Variants in SPRED2 observed in about 807,000 individuals in gnomAD.
The protein encoded by SPRED2 is sprouty related EVH1 domain containing 2.
Under a neutral mutation model 43.0 loss-of-function variants are expected in SPRED2, and 47 were observed. That is an observed-to-expected ratio of 1.09 (90% CI 0.87 to 1.40). The LOEUF is 1.40. Ranked by LOEUF, SPRED2 falls within the 40% of genes most tolerant of loss-of-function variation. SPRED2 has a pLI of 0.00. For synonymous variants in SPRED2, 225 were observed against 225.7 expected (o/e 1.00, Z 0.03); for missense variants, 561 against 586.4 (o/e 0.96, Z 0.45).
In SPRED2 at chr2:65,311,553, G is replaced by C. The variant is rs1673068078; in HGVS notation, c.*1948C>G. 1.0e-6 allele frequency: 1 copy of C among 985,736 alleles called. No homozygotes were observed. Among genetic ancestry groups the C allele is most frequent in the Non-Finnish European group, 1.2e-6 (1 of 829,944 alleles). The allele number at this position is 985,736 out of a possible 1,614,324, so 61.1% of individuals were successfully genotyped here. On this transcript the variant is annotated 3_prime_UTR_variant, in exon 6 of 6. Transcript: ENST00000356388. ...AAGAGACCCTAGAGAAAGACCCCAAGGAAGTGCCTCCGGGTCGGGGGAAGG... is the reference window on the plus strand; with the variant it reads ...AAGAGACCCTAGAGAAAGACCCCAACGAAGTGCCTCCGGGTCGGGGGAAGG...
At chr2:65,334,517 A>G in intron 3 of SPRED2, 88 bp downstream of exon 3, 3 of 1,523,204 alleles carry the variant, frequency 2.0e-6, no homozygotes, top group South Asian at 1.2e-5. Flanking sequence ...CAAATAAACC[A>G]CAAATAAATG....
intron 1 of SPRED2, among the ~76,000 whole-genome samples, chr2:65,381,639 G>C (rs1253346590): frequency 6.6e-6 from 1 of 152,228 alleles, no homozygotes; most frequent in African/African-American, 2.4e-5. Context: ...ATGACAGACA[G>C]CAGGGTGGGC....
chr2:65,422,552 C>T (rs1676454559), intron 1 of SPRED2, among the ~76,000 whole-genome samples: 1 of 152,174 alleles, frequency 6.6e-6, no homozygotes, highest in Non-Finnish European at 1.5e-5. Flanking sequence ...GCTCCCTCTC[C>T]TCTGGCTGTA....
At chr2:65,405,148 G>A (rs1166699094) in intron 1 of SPRED2, among the ~76,000 whole-genome samples, 2 of 152,230 alleles carry the variant, frequency 1.3e-5, no homozygotes, top group Non-Finnish European at 2.9e-5. Context: ...TTTTCCAGGA[G>A]AGAAAATTAA....
intron 1 of SPRED2, among the ~76,000 whole-genome samples, chr2:65,353,456 A>AT (rs1674566912): frequency 6.6e-6 from 1 of 152,238 alleles, no homozygotes; most frequent in African/African-American, 2.4e-5. Flanking sequence ...CAGCATATAA[A>AT]TGATTATTAA....
At position 65,313,659 on chromosome 2, in the gene SPRED2, A is replaced by C. The variant is rs1272168603; in HGVS notation, c.1099T>G (p.Cys367Gly). 6.2e-7 allele frequency: 1 copy of C among 1,614,064 alleles called. No individual in the cohort carries two copies. The highest frequency in any genetic ancestry group is 2.2e-5 in the East Asian group (1 of 44,898). The change falls in exon 6 of 6, where the codon TGC (cysteine) becomes GGC (glycine). Residue 367 changes from cysteine (C) to glycine (G), a missense_variant. Physicochemically the swap from Cys to Gly is radical, Grantham distance 159. Coordinates refer to ENST00000356388, the MANE Select transcript of SPRED2 (RefSeq NM_181784.3). Reference sequence around the variant, plus strand: ...CAAAACTTCTCGTCGCTAGTATCGCACGAGCAAGGGTCTGTATAGTCTCCC... The same window carrying C: ...CAAAACTTCTCGTCGCTAGTATCGCCCGAGCAAGGGTCTGTATAGTCTCCC... ...PEGDYTDPCSCDTSDEKFCLR... is the reference protein window; with the variant it reads ...PEGDYTDPCSGDTSDEKFCLR...
At chr2:65,381,170 C>G (rs1032483050) in intron 1 of SPRED2, among the ~76,000 whole-genome samples, 3 of 152,220 alleles carry the variant, frequency 2.0e-5, no homozygotes, top group Admixed American at 1.3e-4. Context: ...GTTAGCCCAG[C>G]AAAGCTCAGA....
chr2:65,412,485 A>G (rs1676184985), intron 1 of SPRED2, among the ~76,000 whole-genome samples: 1 of 152,198 alleles, frequency 6.6e-6, no homozygotes, highest in Admixed American at 6.5e-5. Context: ...CTTGTTGCTA[A>G]AAGTCACCTA....
At chr2:65,344,955 C>T (rs1674306945) in intron 1 of SPRED2, 59 bp from the exon 2 acceptor site, 44 of 1,505,882 alleles carry the variant, frequency 2.9e-5, no homozygotes, top group Non-Finnish European at 3.8e-5. Context: ...TTGCAGAACA[C>T]GTTTCAAAAT....
intron 4 of SPRED2, among the ~76,000 whole-genome samples, chr2:65,317,142 G>C (rs1047928768): frequency 6.6e-6 from 1 of 152,150 alleles, no homozygotes; most frequent in African/African-American, 2.4e-5. Flanking sequence ...TCTTAAATGC[G>C]GGAATAGTGA....
At chr2:65,389,132 A>C (rs556555424) in intron 1 of SPRED2, among the ~76,000 whole-genome samples, 6 of 152,200 alleles carry the variant, frequency 3.9e-5, no homozygotes, top group East Asian at 1.9e-4. Flanking sequence ...GCTCTGTGCC[A>C]GTGTGAGGAA....
intron 1 of SPRED2, among the ~76,000 whole-genome samples, chr2:65,413,155 C>T (rs1175276139): frequency 6.6e-6 from 1 of 152,118 alleles, no homozygotes; most frequent in Non-Finnish European, 1.5e-5. Flanking sequence ...TCTTTTTTGC[C>T]TACCCCTCTC....
At chr2:65,372,811 C>G (rs1394657880) in intron 1 of SPRED2, among the ~76,000 whole-genome samples, 2 of 152,194 alleles carry the variant, frequency 1.3e-5, no homozygotes, top group Non-Finnish European at 2.9e-5. Context: ...ACTAAGCATG[C>G]TAGACCCAAA....
At chr2:65,409,868 A>G (rs1676113506) in intron 1 of SPRED2, among the ~76,000 whole-genome samples, 1 of 151,336 alleles carries the variant, frequency 6.6e-6, no homozygotes, top group East Asian at 1.9e-4. Flanking sequence ...ACCCTCTACT[A>G]AAAATACAAA....
rs192958636 is a variant in SPRED2 at position 65,336,192 on chromosome 2, C to T, written c.205-1419G>A. ...CAACATGGCAGGACCCTGTCTCTAA[C>T]TAAAATACAAAAATTAGCTGGGTGT... On this transcript the variant is annotated intron_variant, in intron 2 of 5. Transcript: ENST00000356388. 5.7e-4 allele frequency among the ~76,000 whole-genome samples: 86 copies of T among 152,052 alleles called. 2 individuals carry two copies. In the East Asian group the frequency reaches 0.016, roughly 28 times the overall value.
intron 1 of SPRED2, among the ~76,000 whole-genome samples, chr2:65,426,744 G>T (rs562411615): frequency 8.5e-5 from 13 of 152,294 alleles, no homozygotes; most frequent in African/African-American, 3.1e-4. Context: ...AGAAAGAAGA[G>T]AATTTCAGAA....
At chr2:65,337,820 A>T (rs1208612445) in intron 2 of SPRED2, among the ~76,000 whole-genome samples, 1 of 152,204 alleles carries the variant, frequency 6.6e-6, no homozygotes, top group Non-Finnish European at 1.5e-5. Context: ...TGCAATTTAC[A>T]TCCTTATCTA....
intron 4 of SPRED2, among the ~76,000 whole-genome samples, chr2:65,329,774 G>A (rs1000413174): frequency 2.0e-5 from 3 of 152,280 alleles, no homozygotes; most frequent in African/African-American, 4.8e-5. Flanking sequence ...CTCTCAAAAC[G>A]TGACAAAGGA....
At chr2:65,381,026 G>A (rs560398437) in intron 1 of SPRED2, among the ~76,000 whole-genome samples, 2 of 152,264 alleles carry the variant, frequency 1.3e-5, no homozygotes, top group East Asian at 3.9e-4. Flanking sequence ...CCCCATTTTA[G>A]AACTGGGGAA....
Sources: allele counts gnomAD v4.1 joint callset (sites outside exome capture counted in the v4.1 genomes callset), GRCh38; gene constraint gnomAD v4.1.1; transcripts MANE v1.5; gene names NCBI Gene and HGNC (gene_info 2026-07-23, HGNC 2026-07-21).